TTC7B: variants seen among roughly 807,000 people sequenced by gnomAD.
The protein encoded by TTC7B is tetratricopeptide repeat protein 7B.
TTC7B carries 28 observed loss-of-function variants against 106.8 expected under a neutral mutation model. The observed-to-expected ratio is 0.26, with a 90% CI of 0.19 to 0.36. The LOEUF (loss-of-function observed/expected upper bound fraction) is 0.36, where lower values mean the gene tolerates loss of function less well. Among genes scored for constraint, TTC7B ranks in the 10% least tolerant of loss-of-function variants. The pLI, the probability that TTC7B is intolerant of heterozygous loss-of-function variation, is 1.00. For missense variants in TTC7B, 862 were observed against 1,076.4 expected (o/e 0.80, Z 2.79); for synonymous variants, 405 against 430.6 (o/e 0.94, Z 0.74).
At chr14:90,708,001 C>T (rs1161744783) in intron 5 of TTC7B, among the ~76,000 whole-genome samples, 1 of 151,888 alleles carries the variant, frequency 6.6e-6, no homozygotes, top group Non-Finnish European at 1.5e-5. Context: ...AAAAAATTAG[C>T]CAGGCGTGGT....
At chr14:90,700,844 C>A (rs989441537) in intron 5 of TTC7B, among the ~76,000 whole-genome samples, 1 of 151,278 alleles carries the variant, frequency 6.6e-6, no homozygotes. Context: ...CCCTTAGTAT[C>A]ATCTATCTTG....
At chr14:90,730,571 A>T (rs1889287075) in intron 4 of TTC7B, among the ~76,000 whole-genome samples, 1 of 152,208 alleles carries the variant, frequency 6.6e-6, no homozygotes, top group Non-Finnish European at 1.5e-5. Context: ...GTTGTGATCC[A>T]CCAATGGCCG....
intron 8 of TTC7B, among the ~76,000 whole-genome samples, chr14:90,679,828 T>A (rs1206980667): frequency 6.6e-6 from 1 of 152,196 alleles, no homozygotes; most frequent in African/African-American, 2.4e-5. Flanking sequence ...GAAATAGACC[T>A]AAAATTCTAT....
intron 3 of TTC7B, among the ~76,000 whole-genome samples, chr14:90,760,656 T>C (rs1243197555): frequency 6.6e-6 from 1 of 152,202 alleles, no homozygotes; most frequent in African/African-American, 2.4e-5. Flanking sequence ...CCTCCACCCC[T>C]TCACTAGCCC....
chr14:90,603,039 C>T (rs778583349), intron 17 of TTC7B, among the ~76,000 whole-genome samples: 27 of 152,270 alleles, frequency 1.8e-4, no homozygotes, highest in Non-Finnish European at 3.2e-4. Flanking sequence ...CAGATCAATA[C>T]TGCCTCCTCA....
intron 19 of TTC7B, among the ~76,000 whole-genome samples, chr14:90,553,480 C>A (rs886555350): frequency 2.6e-5 from 4 of 152,222 alleles, no homozygotes; most frequent in African/African-American, 7.2e-5. Context: ...ATGGGCAGCA[C>A]CCCCTCCAGG....
chr14:90,725,885 T>G (rs1437140236), intron 5 of TTC7B, among the ~76,000 whole-genome samples: 2 of 152,268 alleles, frequency 1.3e-5, no homozygotes, highest in Admixed American at 1.3e-4. Flanking sequence ...ACTTTAAATG[T>G]GCTTTGCTAC....
intron 15 of TTC7B, among the ~76,000 whole-genome samples, chr14:90,626,230 T>C (rs1884434164): frequency 6.6e-6 from 1 of 152,224 alleles, no homozygotes; most frequent in Non-Finnish European, 1.5e-5. Flanking sequence ...GCTCATTTCA[T>C]TCCAATAAGA....
chr14:90,725,380 G>A (rs936561831), intron 5 of TTC7B, among the ~76,000 whole-genome samples: 14 of 151,782 alleles, frequency 9.2e-5, no homozygotes, highest in Non-Finnish European at 1.8e-4. Context: ...AGCCCAGGAA[G>A]CACCCTCCTC....
intron 18 of TTC7B, among the ~76,000 whole-genome samples, chr14:90,584,913 G>A (rs1235492855): frequency 6.6e-6 from 1 of 152,086 alleles, no homozygotes; most frequent in Non-Finnish European, 1.5e-5. Flanking sequence ...AGCAGAAAGG[G>A]ATCCTGTGTC....
At chr14:90,544,927 T>C (rs1889761867) in intron 19 of TTC7B, among the ~76,000 whole-genome samples, 1 of 152,196 alleles carries the variant, frequency 6.6e-6, no homozygotes, top group African/African-American at 2.4e-5. Context: ...AGGTGGAGAA[T>C]ATAATTCAGG....
At chr14:90,747,336 C>A (rs1395483810) in intron 3 of TTC7B, among the ~76,000 whole-genome samples, 2 of 152,242 alleles carry the variant, frequency 1.3e-5, no homozygotes, top group Non-Finnish European at 1.5e-5. Context: ...CTGGTCTCTC[C>A]TGAATTCTGC....
chr14:90,658,242 A>G (rs1047613945), intron 10 of TTC7B, 62 bp downstream of exon 10: 1 of 1,395,400 alleles, frequency 7.2e-7, no homozygotes, highest in African/African-American at 1.4e-5. Context: ...ATTCCATGAC[A>G]TTCAACTCTT....
intron 9 of TTC7B, among the ~76,000 whole-genome samples, chr14:90,666,845 T>C (rs1436530510): frequency 1.3e-5 from 2 of 152,202 alleles, no homozygotes; most frequent in Non-Finnish European, 2.9e-5. Flanking sequence ...CAGATTTTAT[T>C]ATAGAATTTG....
chr14:90,699,235 C>T lies in TTC7B; in HGVS notation c.699-3657G>A, dbSNP rs1446004029. On this transcript the variant is annotated intron_variant, in intron 5 of 19. Coordinates refer to ENST00000328459, the MANE Select transcript of TTC7B (RefSeq NM_001010854.2). ...TGCCATCTGTCCCTCTGTGATCAAA[C>T]CAAGGAGGAAATGTAAATGGGAAGA... 4 of 455,308 alleles carry T rather than the reference C, an allele frequency of 8.8e-6. No homozygotes were observed. The East Asian group carries it at 2.8e-4, about 32-fold the overall frequency. The allele number at this position is 455,308 out of a possible 1,614,324, so 28.2% of individuals were successfully genotyped here. A position where few individuals can be genotyped will look rare whatever the true frequency, so the allele number is the denominator to read the frequency against.
intron 4 of TTC7B, among the ~76,000 whole-genome samples, chr14:90,732,676 C>A (rs1279030493): frequency 6.6e-6 from 1 of 152,104 alleles, no homozygotes; most frequent in Non-Finnish European, 1.5e-5. Flanking sequence ...CTGCGCCTGG[C>A]TCCTGAAAAA....
intron 19 of TTC7B, among the ~76,000 whole-genome samples, chr14:90,572,210 C>T (rs1891062854): frequency 6.6e-6 from 1 of 152,198 alleles, no homozygotes; most frequent in Admixed American, 6.5e-5. Context: ...GATGTTTTCA[C>T]ACAGCAAACA....
Position 90,624,226 on chromosome 14 carries a change from T to C in TTC7B, c.1752-6181A>G, listed in dbSNP as rs1595217877. 6.6e-6 allele frequency among the ~76,000 whole-genome samples: 1 copy of C among 152,216 alleles called. No homozygotes were observed. Among genetic ancestry groups the C allele is most frequent in the Non-Finnish European group, 1.5e-5 (1 of 68,038 alleles). ...AAGTTTTACTTTTCATTAAAACAAA[T>C]AGAAATACTATTTTACTGTACTTCT... On this transcript the variant is annotated intron_variant, in intron 15 of 19. Transcript: ENST00000328459. This position sits in a 1 kb window ranked among gnomAD's most constrained non-coding sequence, Gnocchi z 4.0.
intron 3 of TTC7B, 30 bp from the exon 4 acceptor site, chr14:90,744,952 G>A: frequency 6.2e-7 from 1 of 1,609,828 alleles, no homozygotes; most frequent in South Asian, 1.1e-5. Flanking sequence ...CAAAAACTGA[G>A]TGAATTTTTT....
Sources: allele counts gnomAD v4.1 joint callset (sites outside exome capture counted in the v4.1 genomes callset), GRCh38; gene constraint gnomAD v4.1.1; non-coding constraint Gnocchi (gnomAD v3.1); transcripts MANE v1.5; gene names NCBI Gene and HGNC (gene_info 2026-07-23, HGNC 2026-07-21).